The following ATP13A4 variants were observed in gnomAD, a reference collection of about 807,000 sequenced individuals.
ATP13A4 encodes ATPase 13A4.
ATP13A4 carries 114 observed loss-of-function variants against 142.5 expected under a neutral mutation model. The observed-to-expected ratio is 0.80, with a 90% CI of 0.69 to 0.93. ATP13A4 has a LOEUF of 0.93. ATP13A4 is among the 40% of genes least tolerant of loss of function. ATP13A4 has a pLI of 0.00. For missense variants in ATP13A4, 1,392 were observed against 1,454.0 expected (o/e 0.96, Z 0.69); for synonymous variants, 488 against 514.8 (o/e 0.95, Z 0.70).
intron 1 of ATP13A4, among the ~76,000 whole-genome samples, chr3:193,524,085 T>C (rs1721872625): frequency 6.6e-6 from 1 of 152,202 alleles, no homozygotes; most frequent in Non-Finnish European, 1.5e-5. Context: ...ACCAGAATCA[T>C]GAGCCAAATA....
At chr3:193,437,082 C>T (rs1394436678) in intron 23 of ATP13A4, among the ~76,000 whole-genome samples, 3 of 127,784 alleles carry the variant, frequency 2.3e-5, no homozygotes, top group Admixed American at 8.6e-5. Context: ...CCAGCCTGGG[C>T]GACAGAGTGA....
At chr3:193,526,795 G>A (rs946945616) in intron 1 of ATP13A4, among the ~76,000 whole-genome samples, 1 of 152,196 alleles carries the variant, frequency 6.6e-6, no homozygotes, top group Non-Finnish European at 1.5e-5. Context: ...GGAGAGAGCA[G>A]CAGAGATGGG....
At chr3:193,466,840 G>A (rs920860956) in intron 10 of ATP13A4, among the ~76,000 whole-genome samples, 1 of 151,948 alleles carries the variant, frequency 6.6e-6, no homozygotes, top group African/African-American at 2.4e-5. Context: ...TTACTAACAG[G>A]CATATGCCAT....
rs1280890385 is a variant in ATP13A4 at position 193,401,796 on chromosome 3, T to C, written c.*856A>G. 7.2e-5 allele frequency among the ~76,000 whole-genome samples: 11 copies of C among 152,226 alleles called. No individual in the cohort carries two copies. The highest frequency in any genetic ancestry group is 2.2e-4 in the African/African-American group (9 of 41,464). ...TGTGTAGTGACAGCTCATAAGCCCA[T>C]GAAGCATCCCTAAACACAGGAGACT... On this transcript the variant is annotated 3_prime_UTR_variant, in exon 30 of 30. Transcript: ENST00000342695.
chr3:193,492,885 T>C, intron 5 of ATP13A4, 32 bp downstream of exon 5: 6 of 1,503,410 alleles, frequency 4.0e-6, no homozygotes, highest in Non-Finnish European at 4.6e-6. Flanking sequence ...ATAATCCTTT[T>C]GAGCTAGTAT....
chr3:193,502,770 T>TC, intron 2 of ATP13A4, 131 bp from the exon 3 acceptor site: 3 of 988,856 alleles, frequency 3.0e-6, no homozygotes, highest in Non-Finnish European at 4.6e-6. Flanking sequence ...ACAGAACGGT[T>TC]TGTCTCTGAA....
intron 17 of ATP13A4, among the ~76,000 whole-genome samples, chr3:193,451,080 C>A (rs1334964017): frequency 2.0e-5 from 3 of 152,162 alleles, no homozygotes; most frequent in African/African-American, 7.2e-5. Context: ...TGTAGGTGAG[C>A]CCCTAATAAA....
At chr3:193,577,199 G>C (rs1724415370) in intron 2 of ATP13A4, among the ~76,000 whole-genome samples, 1 of 152,160 alleles carries the variant, frequency 6.6e-6, no homozygotes, top group Non-Finnish European at 1.5e-5. Context: ...AAGAAGTTAT[G>C]CATAAATTAG....
intron 25 of ATP13A4, among the ~76,000 whole-genome samples, chr3:193,429,404 A>G (rs1283635092): frequency 3.9e-5 from 6 of 152,158 alleles, no homozygotes; most frequent in South Asian, 2.1e-4. Flanking sequence ...CAAGTCCATC[A>G]ACAAATAAAT....
chr3:193,427,239 T>C (rs1295700929), intron 25 of ATP13A4, among the ~76,000 whole-genome samples: 1 of 152,076 alleles, frequency 6.6e-6, no homozygotes, highest in Non-Finnish European at 1.5e-5. Flanking sequence ...GGAATCCAAC[T>C]TACAAGGGAT....
intron 8 of ATP13A4, among the ~76,000 whole-genome samples, chr3:193,473,155 T>A (rs1718718759): frequency 6.6e-6 from 1 of 152,202 alleles, no homozygotes; most frequent in South Asian, 2.1e-4. Context: ...CATCTTCTTG[T>A]GCCATTAAGT....
intron 2 of ATP13A4, among the ~76,000 whole-genome samples, chr3:193,574,238 C>T (rs1475016489): frequency 6.6e-6 from 1 of 152,210 alleles, no homozygotes; most frequent in African/African-American, 2.4e-5. Flanking sequence ...GGCATCACCA[C>T]CCGTAGTGAA....
intron 8 of ATP13A4, among the ~76,000 whole-genome samples, chr3:193,475,536 A>C (rs1718914271): frequency 6.6e-6 from 1 of 151,938 alleles, no homozygotes; most frequent in Non-Finnish European, 1.5e-5. Context: ...ATAAATAAAA[A>C]CCAAAGTGAT....
At chr3:193,441,013 C>A (rs185496673) in intron 20 of ATP13A4, among the ~76,000 whole-genome samples, 2,961 of 150,202 alleles carry the variant, frequency 0.02, 42 homozygotes, top group East Asian at 0.061. Context: ...CTCTCTCTCT[C>A]TCTCTATATA....
intron 2 of ATP13A4, among the ~76,000 whole-genome samples, chr3:193,504,163 T>A (rs889819438): frequency 3.0e-4 from 45 of 151,322 alleles, no homozygotes; most frequent in African/African-American, 1.0e-3. Context: ...ACTGTGGATT[T>A]AAAAAAAAAG....
chr3:193,535,612 T>C (rs1453141386), intron 1 of ATP13A4, among the ~76,000 whole-genome samples: 1 of 152,064 alleles, frequency 6.6e-6, no homozygotes, highest in East Asian at 1.9e-4. Context: ...ATAATCTAAG[T>C]TCCCCTCTCA....
chr3:193,535,332 A>C (rs1722534915), intron 1 of ATP13A4, among the ~76,000 whole-genome samples: 1 of 152,204 alleles, frequency 6.6e-6, no homozygotes, highest in African/African-American at 2.4e-5. Context: ...AGGTCATATA[A>C]CATCTTCTCC....
chr3:193,406,564 A>G (rs888880525), intron 29 of ATP13A4, among the ~76,000 whole-genome samples: 1 of 152,208 alleles, frequency 6.6e-6, no homozygotes, highest in Non-Finnish European at 1.5e-5. Context: ...AATCACGTGG[A>G]GAAAGAAAGC....
chr3:193,415,646 T>G (rs1424848755), intron 25 of ATP13A4, among the ~76,000 whole-genome samples: 1 of 152,228 alleles, frequency 6.6e-6, no homozygotes, highest in Non-Finnish European at 1.5e-5. Flanking sequence ...GAAGGATTGA[T>G]GCAGGCACTC....
Sources: allele counts gnomAD v4.1 joint callset (sites outside exome capture counted in the v4.1 genomes callset), GRCh38; gene constraint gnomAD v4.1.1; transcripts MANE v1.5; gene names NCBI Gene and HGNC (gene_info 2026-07-23, HGNC 2026-07-21).